Variants in ZNF44 observed in about 807,000 individuals in gnomAD.
ZNF44 encodes the protein gonadotropin inducible transcription repressor-2.
ZNF44 carries 9 observed loss-of-function variants against 11.7 expected under a neutral mutation model. That is an observed-to-expected ratio of 0.77 (90% CI 0.46 to 1.35). ZNF44 has a LOEUF of 1.35. Among genes scored for constraint, ZNF44 ranks in the 40% most tolerant of loss-of-function variants. The pLI, the probability that ZNF44 is intolerant of heterozygous loss-of-function variation, is 0.00. For synonymous variants in ZNF44, 224 were observed against 242.7 expected (o/e 0.92, Z 0.72); for missense variants, 696 against 743.1 (o/e 0.94, Z 0.74).
intron 1 of ZNF44, among the ~76,000 whole-genome samples, chr19:12,292,797 G>T (rs566772030): frequency 6.6e-6 from 1 of 150,716 alleles, no homozygotes; most frequent in Non-Finnish European, 1.5e-5. Context: ...TAAGCCATGC[G>T]TCACCAAGGA....
chr19:12,276,664 T>C (rs1355586410), intron 1 of ZNF44, among the ~76,000 whole-genome samples: 1 of 152,212 alleles, frequency 6.6e-6, no homozygotes, highest in Non-Finnish European at 1.5e-5. Context: ...CAGCCACTGC[T>C]AGGTTTGAAT....
intron 5 of ZNF44, chr19:12,260,558 TAA>T: frequency 1.3e-6 from 1 of 755,424 alleles, no homozygotes; most frequent in Non-Finnish European, 2.2e-6. Context: ...CCCAAAGCAA[TAA>T]AGAGTCAGCT....
chr19:12,239,278 T>A (rs370668197), upstream of ZNF44, among the ~76,000 whole-genome samples: 2 of 151,734 alleles, frequency 1.3e-5, no homozygotes, highest in East Asian at 3.9e-4. Context: ...CATGCCCAGC[T>A]AATTTTTGTA....
At chr19:12,288,771 AATGTATATATATAT>A (rs1967867282) in intron 1 of ZNF44, among the ~76,000 whole-genome samples, 2 of 38,368 alleles carry the variant, frequency 5.2e-5, no homozygotes, top group African/African-American at 3.5e-4. Flanking sequence ...AAAAAAAAAA[AATGTATATATATAT>A]ATATATATAT....
At chr19:12,231,328 C>A (rs1568418526) in intron 2 of ZNF44, among the ~76,000 whole-genome samples, 1 of 152,146 alleles carries the variant, frequency 6.6e-6, no homozygotes, top group Non-Finnish European at 1.5e-5. Flanking sequence ...TGCCAGGACA[C>A]AGGCCAAGAG....
In ZNF44 at chr19:12,235,082, A is replaced by G. The variant is rs1916328135; in HGVS notation, n.139-174T>C. 3.3e-5 allele frequency among the ~76,000 whole-genome samples: 5 copies of G among 152,304 alleles called. No individual in the cohort carries two copies. The South Asian group carries it at 8.3e-4, about 25-fold the overall frequency. On this transcript the variant is annotated intron_variant and non_coding_transcript_variant, in intron 1 of 3. Transcript: ENST00000597563. ...CAGTGTCTGATTTACACAGGGTACA[A>G]AAGATTGGTTGGGGCCGGGCGTGGT...
Position 12,272,708 on chromosome 19 carries a change from A to C in ZNF44, c.1547T>G (p.Phe516Cys). Residue 516 changes from phenylalanine to cysteine, a missense_variant, in exon 4 of 4, where the codon TTC becomes TGC. Coordinates refer to ENST00000355684, the MANE Select transcript of ZNF44 (RefSeq NM_016264.4). The stretch of plus-strand genomic sequence containing the variant: ...CCTTTCATGAGTTTTTAAGTAACTG[A>C]AACGACTGAAGGCTTTGCCACAAAT... ...CQICGKAFSR[F>C]SYLKTHERTH... 6.2e-7 allele frequency: 1 copy of C among 1,613,608 alleles called. No individual in the cohort carries two copies. Among genetic ancestry groups the C allele is most frequent in the Non-Finnish European group, 8.5e-7 (1 of 1,179,642 alleles).
Position 12,275,042 on chromosome 19 carries a change from G to C in ZNF44, c.131-9C>G. The C allele has an allele frequency of 1.3e-6, 2 of 1,564,512 alleles. No homozygotes were observed. Among genetic ancestry groups the C allele is most frequent in the Non-Finnish European group, 1.7e-6 (2 of 1,157,620 alleles). On this transcript the variant is annotated splice_polypyrimidine_tract_variant and intron_variant, in intron 2 of 3. Coordinates refer to ENST00000355684, the MANE Select transcript of ZNF44 (RefSeq NM_016264.4). ...GTTTTCCCATTTCATTCCTAAAAGA[G>C]AGATCCAGAAAATTCACTATAAATT...
At chr19:12,249,724 G>A (rs1916917859) in intron 7 of ZNF44, among the ~76,000 whole-genome samples, 1 of 151,876 alleles carries the variant, frequency 6.6e-6, no homozygotes, top group South Asian at 2.1e-4. Context: ...GGCTAATTTT[G>A]TATTTTTAGT....
chr19:12,291,620 C>T (rs1388066696), intron 1 of ZNF44, among the ~76,000 whole-genome samples: 1 of 151,992 alleles, frequency 6.6e-6, no homozygotes, highest in Non-Finnish European at 1.5e-5. Flanking sequence ...ATCTCTTGAG[C>T]CCTGGAGGCA....
At position 12,275,946 on chromosome 19, in the gene ZNF44, T is replaced by A. The variant is rs765939689; in HGVS notation, c.130+10A>T. ...TAATTGACCAAATGAAGACATGATG[T>A]CATCCATACCTATACAGTTCAGGTT... On this transcript the variant is annotated intron_variant, in intron 2 of 3. Coordinates refer to ENST00000355684, the MANE Select transcript of ZNF44 (RefSeq NM_016264.4). The A allele has an allele frequency of 1.9e-6, 3 of 1,590,894 alleles. No individual in the cohort carries two copies. Among genetic ancestry groups the A allele is most frequent in the South Asian group, 1.1e-5 (1 of 90,106 alleles).
intron 1 of ZNF44, 86 bp downstream of exon 1, chr19:12,294,606 G>A: frequency 6.6e-7 from 1 of 1,515,432 alleles, no homozygotes; most frequent in Admixed American, 2.0e-5. Context: ...ACGCTGCGGC[G>A]AGGCCCGGGT....
chr19:12,278,677 C>T (rs755324290), intron 1 of ZNF44, among the ~76,000 whole-genome samples: 1 of 151,166 alleles, frequency 6.6e-6, no homozygotes, highest in Non-Finnish European at 1.5e-5. Flanking sequence ...CAGTGAACCA[C>T]GATTGTGCCA....
In ZNF44 at chr19:12,230,235, T is replaced by A. The variant is rs561306315; in HGVS notation, n.436+225A>T. Among the ~76,000 whole-genome samples the A allele has an allele frequency of 6.6e-5, 10 of 152,334 alleles. No individual in the cohort carries two copies. In the East Asian group the frequency reaches 1.9e-3, roughly 29 times the overall value. The stretch of plus-strand genomic sequence containing the variant: ...AATGTGGGATTGTTTGGCACCCATG[T>A]GGACTGGCAAGAAGAAGCCGAGGGT... On this transcript the variant is annotated intron_variant and non_coding_transcript_variant, in intron 3 of 3. Transcript: ENST00000597563.
At chr19:12,268,479 T>TA (rs1917824503), downstream of ZNF44, among the ~76,000 whole-genome samples, 1 of 152,186 alleles carries the variant, frequency 6.6e-6, no homozygotes, top group Non-Finnish European at 1.5e-5. Flanking sequence ...GCTAATCTAC[T>TA]ACCTGCCCTG....
chr19:12,292,916 T>C (rs1599554750), intron 1 of ZNF44, among the ~76,000 whole-genome samples: 1 of 132,698 alleles, frequency 7.5e-6, no homozygotes, highest in East Asian at 2.4e-4. Flanking sequence ...CAGGCTGGAG[T>C]GCAATGGCAT....
downstream of ZNF44, among the ~76,000 whole-genome samples, chr19:12,268,457 C>G (rs1599520889): frequency 2.0e-5 from 3 of 152,314 alleles, 1 homozygote; most frequent in Admixed American, 2.0e-4. Context: ...TAACATTATA[C>G]TAGTAAATCT....
chr19:12,268,212 ACT>A (rs1917815439), downstream of ZNF44, among the ~76,000 whole-genome samples: 1 of 149,368 alleles, frequency 6.7e-6, no homozygotes, highest in Non-Finnish European at 1.5e-5. Flanking sequence ...TCACAAAGAT[ACT>A]CTCCTACATC....
At chr19:12,294,367 G>A (rs953774098) in intron 1 of ZNF44, among the ~76,000 whole-genome samples, 16 of 152,252 alleles carry the variant, frequency 1.1e-4, no homozygotes, top group Admixed American at 3.3e-4. Context: ...GCGTCCGGGT[G>A]CAGTGACTTG....
Sources: allele counts gnomAD v4.1 joint callset (sites outside exome capture counted in the v4.1 genomes callset), GRCh38; gene constraint gnomAD v4.1.1; transcripts MANE v1.5; gene names NCBI Gene and HGNC (gene_info 2026-07-23, HGNC 2026-07-21).